The following SNX15 variants were observed in gnomAD, a reference collection of about 807,000 sequenced individuals.
SNX15 encodes the protein sorting nexin 15.
Under a neutral mutation model 35.2 loss-of-function variants are expected in SNX15, and 29 were observed. The ratio of observed to expected loss-of-function variants is 0.82; its 90% confidence interval spans 0.61 to 1.12. The LOEUF (loss-of-function observed/expected upper bound fraction) is 1.12. Among genes scored for constraint, SNX15 ranks in the 50% most tolerant of loss-of-function variants. The pLI, the probability that SNX15 is intolerant of heterozygous loss-of-function variation, is 0.00. For synonymous variants in SNX15, 189 were observed against 188.2 expected (o/e 1.00, Z -0.03); for missense variants, 400 against 451.5 (o/e 0.89, Z 1.03).
Position 65,035,670 on chromosome 11 carries a change from A to T in SNX15, c.664+7A>T. ...GACCCCTTCTCCAAGGAAGGTAATG[A>T]GCTGGGACAGCCGGGAAGGAGCCAG... On this transcript the variant is annotated splice_region_variant and intron_variant, in intron 6 of 7. Coordinates refer to ENST00000377244, the MANE Select transcript of SNX15 (RefSeq NM_013306.5). 1.3e-6 allele frequency: 2 copies of T among 1,596,012 alleles called. No individual in the cohort carries two copies.
chr11:65,028,341 A>G (rs949197472), intron 1 of SNX15, among the ~76,000 whole-genome samples: 1 of 152,186 alleles, frequency 6.6e-6, no homozygotes, highest in Admixed American at 6.5e-5. Context: ...GAGTTAGGGG[A>G]AGACTTTTTA....
At chr11:65,032,043 C>T in intron 1 of SNX15, 125 bp from the exon 2 acceptor site, 1 of 876,574 alleles carries the variant, frequency 1.1e-6, no homozygotes, top group South Asian at 1.6e-5. Context: ...GCCTTGATGC[C>T]AGAGGCCAAT....
chr11:65,032,361 G>A, intron 2 of SNX15, 70 bp from the exon 3 acceptor site: 2 of 1,611,030 alleles, frequency 1.2e-6, no homozygotes, highest in Non-Finnish European at 1.7e-6. Flanking sequence ...GCCCCCTGGG[G>A]GCAGGCTAGG....
intron 6 of SNX15, chr11:65,037,717 C>A (rs1946519520): frequency 6.6e-6 from 1 of 152,288 alleles, no homozygotes; most frequent in Non-Finnish European, 1.5e-5. Flanking sequence ...CCCTTCTTCA[C>A]AGCAAACTCC....
chr11:65,032,012 G>A (rs975379694), intron 1 of SNX15, among the ~76,000 whole-genome samples, 156 bp from the exon 2 acceptor site: 10 of 152,206 alleles, frequency 6.6e-5, no homozygotes, highest in East Asian at 1.9e-4. Context: ...AAAATTACAC[G>A]CGAAGGCTTA....
chr11:65,029,096 TATAAATAA>T (rs113466481), intron 1 of SNX15, among the ~76,000 whole-genome samples: 140 of 148,448 alleles, frequency 9.4e-4, no homozygotes, highest in Middle Eastern at 3.4e-3. Flanking sequence ...GTCTCAAAAA[TATAAATAA>T]ATAAATAAAT....
At position 65,032,173 on chromosome 11, in the gene SNX15, C is replaced by A. The variant is rs750034624; in HGVS notation, c.105C>A (p.Ile35=). The A allele has an allele frequency of 2.5e-6, 4 of 1,614,110 alleles. No homozygotes were observed. In the South Asian group the frequency reaches 4.4e-5, roughly 18 times the overall value. ...YTEYKVTAQF[I]SKKDPEDVKE... ...CTCTTGCCTTTCTTTCTCAGTTCAT[C>A]TCAAAGAAGGACCCAGAGGATGTCA... Residue 35 remains isoleucine, a synonymous_variant, in exon 2 of 8, where the codon ATC becomes ATA. Transcript: ENST00000377244.
chr11:65,027,442 G>C lies in SNX15; in HGVS notation c.-96G>C. 3.5e-6 allele frequency: 3 copies of C among 852,218 alleles called. No homozygotes were observed. The highest frequency in any genetic ancestry group is 2.4e-5 in the East Asian group (1 of 41,182). 52.8% of individuals were successfully genotyped at this position (852,218 alleles called of 1,614,324 possible). On this transcript the variant is annotated 5_prime_UTR_variant, in exon 1 of 8. Transcript: ENST00000377244. ...CCTAGGCCAGAGGAAGAAGAGCGCA[G>C]GCCTGGCGAGGCGGCGGCGGGCGGA...
At chr11:65,033,335 G>C (rs1195158805) in intron 3 of SNX15, among the ~76,000 whole-genome samples, 8 of 151,570 alleles carry the variant, frequency 5.3e-5, no homozygotes, top group Non-Finnish European at 1.2e-4. Context: ...ACGAGATCAG[G>C]AGTTTGAGAC....
In SNX15 at chr11:65,035,172, A is replaced by G. The variant is rs1326340125; in HGVS notation, c.486A>G (p.Ala162=). The G allele has an allele frequency of 2.6e-6, 4 of 1,545,364 alleles. No homozygotes were observed. Among genetic ancestry groups the G allele is most frequent in the East Asian group, 2.5e-5 (1 of 40,550 alleles). ...CCCGGCTATCCCAACTGCTCCCTGC[A>G]GAAAGGAGGGGCCTCGAGGAATTGG... ...DDPRLSQLLP[A]ERRGLEELEV... Residue 162 remains alanine (A), a synonymous_variant, in exon 5 of 8, where the codon GCA becomes GCG. Transcript: ENST00000377244.
rs374195821 is a variant in SNX15 at position 65,034,824 on chromosome 11, G to T, written c.257-23G>T. The T allele has an allele frequency of 3.3e-5, 52 of 1,599,810 alleles. No individual in the cohort carries two copies. The African/African-American group carries it at 5.8e-4, about 18-fold the overall frequency. ...CTGTGGGTCACCGCCACTCTCCCCT[G>T]TTCCTTGTCCTGGGGGCCGTAGGCC... On this transcript the variant is annotated intron_variant, in intron 3 of 7. Transcript: ENST00000377244.
intron 1 of SNX15, among the ~76,000 whole-genome samples, chr11:65,028,372 T>C (rs1349604654): frequency 9.2e-5 from 14 of 152,194 alleles, no homozygotes; most frequent in Admixed American, 9.2e-4. Context: ...TTTGTACTTT[T>C]AGAATTTTCA....
chr11:65,029,611 C>G (rs1946418324), intron 1 of SNX15, among the ~76,000 whole-genome samples: 1 of 151,620 alleles, frequency 6.6e-6, no homozygotes, highest in Non-Finnish European at 1.5e-5. Flanking sequence ...GAGTCTTGCT[C>G]TGTCGCCCAG....
Position 65,027,506 on chromosome 11 carries a change from G to A in SNX15, c.-32G>A, listed in dbSNP as rs1946384560. On this transcript the variant is annotated 5_prime_UTR_variant, in exon 1 of 8. Coordinates refer to ENST00000377244, the MANE Select transcript of SNX15 (RefSeq NM_013306.5). ...GGGTGGGGACGGCGAGGAGGTGGAGGCCGGCGCTCCGCTCCGCTCCAGCTC... is the reference window on the plus strand; with the variant it reads ...GGGTGGGGACGGCGAGGAGGTGGAGACCGGCGCTCCGCTCCGCTCCAGCTC... 7 of 1,585,594 alleles carry A rather than the reference G, an allele frequency of 4.4e-6. No homozygotes were observed. The highest frequency in any genetic ancestry group is 5.2e-6 in the Non-Finnish European group (6 of 1,155,058).
intron 2 of SNX15, 63 bp downstream of exon 2, chr11:65,032,266 C>A (rs781540824): frequency 5.1e-6 from 8 of 1,581,112 alleles, no homozygotes; most frequent in East Asian, 2.2e-5. Context: ...TGTCAAGGGG[C>A]AGCTGGTAAC....
At chr11:65,028,225 G>A (rs1455909263) in intron 1 of SNX15, among the ~76,000 whole-genome samples, 1 of 152,104 alleles carries the variant, frequency 6.6e-6, no homozygotes, top group African/African-American at 2.4e-5. Context: ...AGGAAACCAT[G>A]ACAATAATTA....
intron 7 of SNX15, among the ~76,000 whole-genome samples, chr11:65,039,193 T>C (rs1173262351): frequency 6.7e-6 from 1 of 150,044 alleles, no homozygotes; most frequent in Non-Finnish European, 1.5e-5. Context: ...CTGGCTAATT[T>C]TTGAATTTTT....
At chr11:65,035,400 C>A in intron 5 of SNX15, 120 bp from the exon 6 acceptor site, 2 of 1,314,868 alleles carry the variant, frequency 1.5e-6, no homozygotes, top group Non-Finnish European at 2.1e-6. Flanking sequence ...TGAGCACAAA[C>A]CCTAATAACA....
intron 1 of SNX15, 121 bp downstream of exon 1, chr11:65,027,757 A>T: frequency 1.4e-6 from 1 of 733,972 alleles, no homozygotes; most frequent in South Asian, 1.6e-5. Context: ...TTTCCCCTTT[A>T]AGGGGAGGTT....
Sources: gnomAD v4.1 joint callset for allele counts (sites outside exome capture counted in the v4.1 genomes callset) on GRCh38, gnomAD v4.1.1 for gene constraint, MANE v1.5 for transcripts, NCBI Gene and HGNC (gene_info 2026-07-23, HGNC 2026-07-21) for gene names.